Variants in INSYN2B observed in about 807,000 individuals in gnomAD.
The protein encoded by INSYN2B is inhibitory synaptic factor family member 2B.
Under a neutral mutation model 41.2 loss-of-function variants are expected in INSYN2B, and 16 were observed. The ratio of observed to expected loss-of-function variants is 0.39; its 90% CI spans 0.26 to 0.59. INSYN2B has a LOEUF of 0.59. Among genes scored for constraint, INSYN2B ranks in the 20% least tolerant of loss-of-function variants. INSYN2B has a pLI of 0.57. For missense variants in INSYN2B, 608 were observed against 646.4 expected (o/e 0.94, Z 0.64); for synonymous variants, 245 against 244.4 (o/e 1.00, Z -0.02).
intron 1 of INSYN2B, among the ~76,000 whole-genome samples, chr5:169,892,516 G>T (rs575613306): frequency 6.6e-6 from 1 of 152,320 alleles, no homozygotes; most frequent in East Asian, 1.9e-4. Flanking sequence ...CAGCTCAGGT[G>T]CCTCATTTGG....
At chr5:169,917,991 G>A (rs575869028) in intron 1 of INSYN2B, among the ~76,000 whole-genome samples, 43 of 152,276 alleles carry the variant, frequency 2.8e-4, no homozygotes, top group Non-Finnish European at 4.1e-4. Context: ...GTGTGTTCTC[G>A]TTACAGAATT....
chr5:169,921,329 A>G (rs762036958), intron 1 of INSYN2B, among the ~76,000 whole-genome samples: 1 of 152,220 alleles, frequency 6.6e-6, no homozygotes, highest in South Asian at 2.1e-4. Flanking sequence ...GGAAATCTGT[A>G]TAATCTTTAT....
chr5:169,901,480 G>A (rs261054), intron 1 of INSYN2B, among the ~76,000 whole-genome samples: 30,672 of 152,002 alleles, frequency 0.2, 4,461 homozygotes, highest in African/African-American at 0.41. Flanking sequence ...ATATTAACAC[G>A]TTTGCATTTT....
intron 1 of INSYN2B, among the ~76,000 whole-genome samples, chr5:169,917,600 CGATT>C (rs1263470850): frequency 1.3e-5 from 2 of 152,124 alleles, no homozygotes; most frequent in Non-Finnish European, 2.9e-5. Flanking sequence ...ATTTTCTAAT[CGATT>C]GCTTGCTGTT....
At position 169,954,718 on chromosome 5, in the gene INSYN2B, A is replaced by C. The variant is rs564393931; in HGVS notation, c.-919+25559T>G. ...AACTTGTTGTTGTTGTTGTTTGTTT[A>C]TTTGTTTTTACATGTTCCAAGATGA... On this transcript the variant is annotated intron_variant, in intron 1 of 3. Coordinates refer to ENST00000377365, the MANE Select transcript of INSYN2B (RefSeq NM_001129891.3). Among the ~76,000 whole-genome samples, 4 of 152,168 alleles carry C rather than the reference A, an allele frequency of 2.6e-5. No individual in the cohort carries two copies. The South Asian group carries it at 8.3e-4, about 32-fold the overall frequency.
chr5:169,913,801 C>A (rs1774731727), intron 1 of INSYN2B, among the ~76,000 whole-genome samples: 1 of 152,180 alleles, frequency 6.6e-6, no homozygotes, highest in African/African-American at 2.4e-5. Flanking sequence ...GAATTAGATG[C>A]TTCGCTATTA....
chr5:169,907,424 T>G (rs923992444), intron 1 of INSYN2B, among the ~76,000 whole-genome samples: 2 of 152,236 alleles, frequency 1.3e-5, no homozygotes, highest in African/African-American at 2.4e-5. Context: ...AAGTGGCTGA[T>G]AATTGGGCTC....
At chr5:169,882,429 G>C in intron 2 of INSYN2B, 124 bp downstream of exon 2, 1 of 779,958 alleles carries the variant, frequency 1.3e-6, no homozygotes, top group Non-Finnish European at 2.0e-6. Context: ...ATGATTTGGA[G>C]AAACAACAGT....
At chr5:169,930,746 CG>C (rs1775713327) in intron 1 of INSYN2B, among the ~76,000 whole-genome samples, 2 of 152,156 alleles carry the variant, frequency 1.3e-5, no homozygotes, top group African/African-American at 4.8e-5. Flanking sequence ...CTTTGAGAGT[CG>C]GGTGGAAGGC....
chr5:169,902,323 G>C lies in INSYN2B; in HGVS notation c.-918-17507C>G, dbSNP rs147220853. Among the ~76,000 whole-genome samples, 201 of 152,310 alleles carry C rather than the reference G, an allele frequency of 1.3e-3. 1 individual carries two copies. The East Asian group carries it at 0.028, about 21-fold the overall frequency. On this transcript the variant is annotated intron_variant, in intron 1 of 3. Coordinates refer to ENST00000377365, the MANE Select transcript of INSYN2B (RefSeq NM_001129891.3). Reference sequence around the variant, plus strand: ...TGGACGAGGCCATCTTTTTAAGGCTGTGCTATTTTATATGATCCTCATGTT... The same window carrying C: ...TGGACGAGGCCATCTTTTTAAGGCTCTGCTATTTTATATGATCCTCATGTT...
At chr5:169,953,529 G>A (rs1382262534) in intron 1 of INSYN2B, among the ~76,000 whole-genome samples, 6 of 152,290 alleles carry the variant, frequency 3.9e-5, no homozygotes, top group African/African-American at 7.2e-5. Flanking sequence ...ATAAAATGCT[G>A]ATGGAGCTGT....
chr5:169,965,699 A>T (rs1308979524), intron 1 of INSYN2B, among the ~76,000 whole-genome samples: 3 of 152,180 alleles, frequency 2.0e-5, no homozygotes, highest in Non-Finnish European at 4.4e-5. Context: ...AGGAAAGGAG[A>T]AGAATTTTGA....
intron 1 of INSYN2B, among the ~76,000 whole-genome samples, chr5:169,903,171 G>A (rs933422509): frequency 6.6e-6 from 1 of 151,938 alleles, no homozygotes; most frequent in African/African-American, 2.4e-5. Context: ...CAGCTACTGG[G>A]GAAGCTGAGG....
chr5:169,901,624 TGAG>T (rs1174116223), intron 1 of INSYN2B, among the ~76,000 whole-genome samples: 3 of 152,152 alleles, frequency 2.0e-5, no homozygotes, highest in Non-Finnish European at 2.9e-5. Context: ...AGTAAGATGA[TGAG>T]AACTGGATAA....
intron 1 of INSYN2B, among the ~76,000 whole-genome samples, chr5:169,965,448 A>C (rs1777263268): frequency 6.6e-6 from 1 of 152,234 alleles, no homozygotes; most frequent in Non-Finnish European, 1.5e-5. Flanking sequence ...CATAGAGATT[A>C]AATAGCTTGC....
rs896068188 is a variant in INSYN2B at position 169,938,271 on chromosome 5, G to C, written c.-919+42006C>G. 2.0e-5 allele frequency among the ~76,000 whole-genome samples: 3 copies of C among 148,120 alleles called. No individual in the cohort carries two copies. In the East Asian group the frequency reaches 5.9e-4, roughly 29 times the overall value. ...AAAGTAAATGTGTTCTTCCTGGGAT[G>C]TCCGTGTCCAAACACAGTCACACAT... On this transcript the variant is annotated intron_variant, in intron 1 of 3. Transcript: ENST00000377365.
intron 1 of INSYN2B, among the ~76,000 whole-genome samples, chr5:169,943,665 C>A (rs1776329674): frequency 6.6e-6 from 1 of 152,080 alleles, no homozygotes; most frequent in Non-Finnish European, 1.5e-5. Flanking sequence ...GATCTGGGGG[C>A]AGTGGTTCTC....
chr5:169,934,695 T>C (rs1402759694), intron 1 of INSYN2B: 6 of 455,980 alleles, frequency 1.3e-5, no homozygotes, highest in Non-Finnish European at 1.8e-5. Flanking sequence ...TGCTACGGAG[T>C]ATTAAATGTG....
At chr5:169,954,993 A>T (rs114784331) in intron 1 of INSYN2B, among the ~76,000 whole-genome samples, 4,654 of 152,212 alleles carry the variant, frequency 0.031, 167 homozygotes, top group African/African-American at 0.082. Flanking sequence ...GACTTGGCAA[A>T]CCTCCATGAG....
Sources: gnomAD v4.1 joint callset for allele counts (sites outside exome capture counted in the v4.1 genomes callset) on GRCh38, gnomAD v4.1.1 for gene constraint, MANE v1.5 for transcripts, NCBI Gene and HGNC (gene_info 2026-07-23, HGNC 2026-07-21) for gene names.